The following USP7 variants were observed in gnomAD, a reference collection of about 807,000 sequenced individuals.
USP7 encodes the protein ubiquitin C-terminal hydrolase 7.
A neutral mutation model predicts 162.9 loss-of-function variants in USP7; 9 were observed. That is an observed-to-expected ratio of 0.06 (90% CI 0.03 to 0.10). The LOEUF is 0.10. USP7 is among the 10% of genes least tolerant of loss of function. The pLI, the probability that USP7 is intolerant of heterozygous loss-of-function variation, is 1.00. For missense variants in USP7, 715 were observed against 1,373.7 expected (o/e 0.52, Z 7.58); for synonymous variants, 562 against 475.9 (o/e 1.18, Z -2.35).
At chr16:8,933,948 G>T (rs1326112977) in intron 1 of USP7, among the ~76,000 whole-genome samples, 1 of 151,910 alleles carries the variant, frequency 6.6e-6, no homozygotes, top group Non-Finnish European at 1.5e-5. Flanking sequence ...GTAGAGACAG[G>T]GTTTCACCAT....
chr16:8,901,241 G>A lies in USP7; in HGVS notation c.2048-7C>T. 1 of 1,601,636 alleles carries A rather than the reference G, an allele frequency of 6.2e-7. No homozygotes were observed. Among genetic ancestry groups the A allele is most frequent in the Non-Finnish European group, 8.6e-7 (1 of 1,169,288 alleles). ...AAAAATAACATTACATCATCTACAA[G>A]GTTAATAAACAAGTTTTGTTAAGAT... is the stretch of plus-strand genomic sequence containing the variant. On this transcript the variant is annotated splice_region_variant and splice_polypyrimidine_tract_variant and intron_variant, in intron 18 of 30. Transcript: ENST00000344836.
At chr16:8,924,038 CAT>C (rs751093341) in intron 2 of USP7, among the ~76,000 whole-genome samples, 21 of 152,192 alleles carry the variant, frequency 1.4e-4, no homozygotes, top group Non-Finnish European at 2.8e-4. Flanking sequence ...TTTTTTCCCA[CAT>C]GAGTAGTATA....
At chr16:8,930,258 C>T (rs1352496860) in intron 2 of USP7, 35 bp downstream of exon 2, 3 of 1,538,744 alleles carry the variant, frequency 1.9e-6, no homozygotes, top group Non-Finnish European at 2.7e-6. Context: ...GACAAGTTTC[C>T]GCCCACTGCG....
In USP7 at chr16:8,948,184, G is replaced by T. The variant is rs574496598; in HGVS notation, c.79+15023C>A. Among the ~76,000 whole-genome samples the T allele has an allele frequency of 5.9e-5, 9 of 152,236 alleles. No homozygotes were observed. The South Asian group carries it at 1.9e-3, about 32-fold the overall frequency. The stretch of plus-strand genomic sequence containing the variant: ...TTTCCCACAGTTCCGCTCCCCTGAT[G>T]GAACCCTCAACTGACCTTGATTCCT... On this transcript the variant is annotated intron_variant, in intron 1 of 30. Coordinates refer to ENST00000344836, the MANE Select transcript of USP7 (RefSeq NM_003470.3).
At chr16:8,895,617 T>C in intron 27 of USP7, 25 bp downstream of exon 27, 1 of 1,577,584 alleles carries the variant, frequency 6.3e-7, no homozygotes. Context: ...TTCTCTCTGG[T>C]GCCAACAGTA....
At chr16:8,916,654 T>C in intron 7 of USP7, 98 bp from the exon 8 acceptor site, 1 of 1,187,292 alleles carries the variant, frequency 8.4e-7, no homozygotes, top group African/African-American at 1.6e-5. Flanking sequence ...GATAATCAGC[T>C]ATTATTCTCA....
At position 8,923,268 on chromosome 16, in the gene USP7, T is replaced by C. The variant is rs1456371344; in HGVS notation, c.330A>G (p.Pro110=). 6.2e-7 allele frequency: 1 copy of C among 1,614,266 alleles called. No homozygotes were observed. The highest frequency in any genetic ancestry group is 1.7e-5 in the Admixed American group (1 of 60,030). The change falls in exon 3 of 31, where the codon CCA becomes CCG. Residue 110 remains proline (P), a synonymous_variant. Transcript: ENST00000344836. ...MVMPRFYPDR[P]HQKSVGFFLQ... is the part of the protein sequence containing the mutation. ...GAAAGAATCCTACGCTTTTTTGGTG[T>C]GGTCTGTCTGGATAAAAGCGTGGCA...
At chr16:8,902,756 C>T (rs1293049572) in intron 16 of USP7, among the ~76,000 whole-genome samples, 1 of 151,950 alleles carries the variant, frequency 6.6e-6, no homozygotes. Context: ...GGCCTGGTGA[C>T]GGGTGCCTGT....
chr16:8,936,564 A>G, intron 1 of USP7: 5 of 1,528,218 alleles, frequency 3.3e-6, no homozygotes, highest in Non-Finnish European at 3.5e-6. Context: ...AAGGAGCTCA[A>G]CCTGAAAACC....
rs151142677 is a variant in USP7 at position 8,894,168 on chromosome 16, G to A, written c.3203-64C>T. 4,492 of 1,481,230 alleles carry A rather than the reference G, an allele frequency of 3.0e-3. 11 individuals carry two copies. Among genetic ancestry groups the A allele is most frequent in the Non-Finnish European group, 3.9e-3 (4,091 of 1,060,206 alleles). 91.8% of individuals were successfully genotyped at this position (1,481,230 alleles called of 1,614,324 possible). ...AGCCCTGGAACCCCTCAGCGGGGTG[G>A]TGGCCAGTGAGGCATGCATCCCTGT... is the stretch of plus-strand genomic sequence containing the variant. On this transcript the variant is annotated intron_variant, in intron 30 of 30. Coordinates refer to ENST00000344836, the MANE Select transcript of USP7 (RefSeq NM_003470.3).
intron 1 of USP7, among the ~76,000 whole-genome samples, chr16:8,958,765 T>A (rs983290746): frequency 1.3e-5 from 2 of 152,208 alleles, no homozygotes; most frequent in African/African-American, 4.8e-5. Context: ...GACTACAGCA[T>A]CAGTGGCGCA....
chr16:8,899,019 G>A, intron 23 of USP7, 102 bp downstream of exon 23: 2 of 1,253,178 alleles, frequency 1.6e-6, no homozygotes, highest in East Asian at 2.3e-5. Flanking sequence ...GGACTGTCAG[G>A]TGAAATGGCG....
chr16:8,918,289 C>T (rs1897489927), intron 6 of USP7, among the ~76,000 whole-genome samples: 1 of 152,188 alleles, frequency 6.6e-6, no homozygotes, highest in Non-Finnish European at 1.5e-5. Flanking sequence ...TGCCGATTTC[C>T]TGTACTGCTT....
intron 1 of USP7, among the ~76,000 whole-genome samples, chr16:8,948,117 C>G (rs934268119): frequency 6.6e-6 from 1 of 152,220 alleles, no homozygotes; most frequent in African/African-American, 2.4e-5. Context: ...GAGCTCCCAC[C>G]ACTGTGGCCT....
chr16:8,922,997 C>G (rs1897784028), intron 3 of USP7, among the ~76,000 whole-genome samples: 1 of 152,188 alleles, frequency 6.6e-6, no homozygotes, highest in Admixed American at 6.5e-5. Context: ...ATTCCATGGG[C>G]TGGTAGATTC....
intron 1 of USP7, among the ~76,000 whole-genome samples, chr16:8,930,990 T>G (rs1009054117): frequency 1.5e-5 from 2 of 130,828 alleles, no homozygotes; most frequent in African/African-American, 5.3e-5. Flanking sequence ...AAAAAAAAAA[T>G]CCTTAGGTAG....
At chr16:8,952,380 C>T (rs985094248) in intron 1 of USP7, among the ~76,000 whole-genome samples, 1 of 152,234 alleles carries the variant, frequency 6.6e-6, no homozygotes. Flanking sequence ...GGTAAGTTGA[C>T]ACACCTTGTT....
chr16:8,920,228 G>A (rs1897613428), intron 5 of USP7, 131 bp downstream of exon 5: 2 of 744,662 alleles, frequency 2.7e-6, no homozygotes, highest in South Asian at 3.6e-5. Flanking sequence ...GTGACTCTGT[G>A]TGCCACAGGG....
intron 23 of USP7, 102 bp from the exon 24 acceptor site, chr16:8,898,741 C>T: frequency 4.1e-6 from 4 of 974,630 alleles, no homozygotes; most frequent in Non-Finnish European, 5.9e-6. Context: ...TACACCTGGT[C>T]TTGAAATTTG....
Sources: gnomAD v4.1 joint callset for allele counts (sites outside exome capture counted in the v4.1 genomes callset) on GRCh38, gnomAD v4.1.1 for gene constraint, MANE v1.5 for transcripts, NCBI Gene and HGNC (gene_info 2026-07-23, HGNC 2026-07-21) for gene names.